Variants in ALDH1A1 observed in about 807,000 individuals in gnomAD.
ALDH1A1 encodes aldehyde dehydrogenase 1A1.
In ALDH1A1, 19 loss-of-function variants were observed where a neutral mutation model predicts 62.1. The ratio of observed to expected loss-of-function variants is 0.31; its 90% CI spans 0.21 to 0.45. ALDH1A1 has a LOEUF of 0.45. Ranked by LOEUF, ALDH1A1 falls within the 20% of genes least tolerant of loss-of-function variation. The probability of loss-of-function intolerance (pLI) is 1.00; values close to 1 mark genes in which losing one functional copy is unlikely to be tolerated. For synonymous variants in ALDH1A1, 231 were observed against 215.9 expected, an observed-to-expected ratio of 1.07 and a Z score of -0.61; for missense variants, 521 against 607.1, an observed-to-expected ratio of 0.86 and a Z score of 1.49.
rs747410847 is a variant in ALDH1A1, at chr9:72,928,953, G to C, written c.381C>G (p.Ile127Met). 8 of 1,613,922 alleles carry C rather than the reference G, an allele frequency of 5.0e-6. No individual in the cohort carries two copies. Among genetic ancestry groups the C allele is most frequent in the Non-Finnish European group, 4.2e-6 (5 of 1,179,908 alleles). Reference protein sequence around the residue: ...NAYLNDLAGCIKTLRYCAGWA... With the variant: ...NAYLNDLAGCMKTLRYCAGWA... Reference sequence around the variant, plus strand: ...AACCTGCACAGTAGCGCAATGTTTTGATGCAGCCTGCTAAATCATTCAGAT... The same window carrying C: ...AACCTGCACAGTAGCGCAATGTTTTCATGCAGCCTGCTAAATCATTCAGAT... The change falls in exon 4 of 13, where the codon ATC (isoleucine) becomes ATG (methionine). Residue 127 changes from isoleucine to methionine, a missense_variant. Coordinates refer to ENST00000297785, the MANE Select transcript of ALDH1A1 (RefSeq NM_000689.5).
chr9:72,927,373 C>T (rs1009681254), intron 4 of ALDH1A1, among the ~76,000 whole-genome samples, 196 bp from the exon 5 acceptor site: 4 of 152,116 alleles, frequency 2.6e-5, no homozygotes, highest in African/African-American at 9.7e-5. Flanking sequence ...GAGATCGAGA[C>T]CATCTATATC....
intron 1 of ALDH1A1, among the ~76,000 whole-genome samples, chr9:72,952,633 A>G (rs1249854189): frequency 6.6e-6 from 1 of 151,904 alleles, no homozygotes; most frequent in African/African-American, 2.4e-5. Flanking sequence ...TGCCGGCTAT[A>G]GTGAAGTTAA....
intron 11 of ALDH1A1, among the ~76,000 whole-genome samples, chr9:72,909,204 G>A: frequency 8.9e-6 from 1 of 111,860 alleles, no homozygotes. Context: ...TCTTGTTGCT[G>A]AGGCTAGAGT....
At chr9:72,926,226 AG>A (rs1188781363) in intron 5 of ALDH1A1, among the ~76,000 whole-genome samples, 1 of 152,218 alleles carries the variant, frequency 6.6e-6, no homozygotes, top group Non-Finnish European at 1.5e-5. Context: ...AAAGAGGGCC[AG>A]GGGCTCAACA....
intron 9 of ALDH1A1, among the ~76,000 whole-genome samples, chr9:72,915,896 C>T (rs1207990388): frequency 6.6e-6 from 1 of 152,150 alleles, no homozygotes; most frequent in Non-Finnish European, 1.5e-5. Flanking sequence ...GTGAATGAGT[C>T]AAGAATAGCG....
intron 4 of ALDH1A1, among the ~76,000 whole-genome samples, 170 bp from the exon 5 acceptor site, chr9:72,927,347 C>G (rs559725926): frequency 6.6e-6 from 1 of 152,072 alleles, no homozygotes; most frequent in Non-Finnish European, 1.5e-5. Context: ...CCGAGGCAGG[C>G]AGATCACGAG....
intron 4 of ALDH1A1, 102 bp from the exon 5 acceptor site, chr9:72,927,279 A>C: frequency 1.2e-6 from 1 of 844,042 alleles, no homozygotes; most frequent in Non-Finnish European, 1.9e-6. Flanking sequence ...ATAATTTTAA[A>C]AACATATATC....
chr9:72,941,313 T>G (rs1266956493), intron 1 of ALDH1A1, among the ~76,000 whole-genome samples: 1 of 152,186 alleles, frequency 6.6e-6, no homozygotes, highest in African/African-American at 2.4e-5. Flanking sequence ...AATTAGCTAC[T>G]ATGCTAAATG....
At chr9:72,924,239 GA>G in intron 6 of ALDH1A1, 107 bp from the exon 7 acceptor site, 5 of 687,574 alleles carry the variant, frequency 7.3e-6, no homozygotes, top group Non-Finnish European at 1.2e-5. Flanking sequence ...AGATGCTCTA[GA>G]AAAAAATAAT....
At chr9:72,925,706 G>A (rs1830196627) in intron 5 of ALDH1A1, 94 bp from the exon 6 acceptor site, 1 of 1,366,146 alleles carries the variant, frequency 7.3e-7, no homozygotes, top group Non-Finnish European at 9.9e-7. Flanking sequence ...TAGATGTTAT[G>A]TAATAATTGC....
chr9:72,928,553 C>G (rs574651350), intron 4 of ALDH1A1, among the ~76,000 whole-genome samples: 203 of 152,262 alleles, frequency 1.3e-3, no homozygotes, highest in Non-Finnish European at 2.2e-3. Flanking sequence ...GAATAAAACC[C>G]AAATAAATAA....
chr9:72,925,274 T>C (rs940655002), intron 6 of ALDH1A1, among the ~76,000 whole-genome samples: 2 of 152,198 alleles, frequency 1.3e-5, no homozygotes. Context: ...ACACCAAACC[T>C]TTGTGTTTGG....
At position 72,924,040 on chromosome 9, in the gene ALDH1A1, T is replaced by A. The variant is rs768917839; in HGVS notation, c.726A>T (p.Val242=). 2 of 1,607,760 alleles carry A rather than the reference T, an allele frequency of 1.2e-6. No individual in the cohort carries two copies. The highest frequency in any genetic ancestry group is 3.4e-5 in the Admixed American group (2 of 58,866). ...TTACCTCTGTTGATCCTGTGAAGGCTACTTTGTCTATATCCATGTGAGAAG... is the reference window on the plus strand; with the variant it reads ...TTACCTCTGTTGATCCTGTGAAGGCAACTTTGTCTATATCCATGTGAGAAG... ...AISSHMDIDK[V]AFTGSTEVGK... The change falls in exon 7 of 13, where the codon GTA becomes GTT. Residue 242 remains valine (V), a synonymous_variant. Coordinates refer to ENST00000297785, the MANE Select transcript of ALDH1A1 (RefSeq NM_000689.5).
intron 9 of ALDH1A1, among the ~76,000 whole-genome samples, chr9:72,914,486 T>G (rs1052728796): frequency 6.6e-6 from 1 of 152,174 alleles, no homozygotes. Context: ...GAGGCTGGAT[T>G]TTAAATCCAG....
chr9:72,910,218 T>C (rs531975147), intron 10 of ALDH1A1, among the ~76,000 whole-genome samples: 1 of 152,348 alleles, frequency 6.6e-6, no homozygotes, highest in Non-Finnish European at 1.5e-5. Flanking sequence ...CAATGATTGA[T>C]AATAATAATG....
chr9:72,926,971 A>T, intron 5 of ALDH1A1, 145 bp downstream of exon 5: 1 of 586,778 alleles, frequency 1.7e-6, no homozygotes, highest in Non-Finnish European at 3.0e-6. Flanking sequence ...GTTTAGTCAC[A>T]GGGAGACCAA....
intron 2 of ALDH1A1, among the ~76,000 whole-genome samples, chr9:72,932,739 T>C (rs868419844): frequency 1.8e-4 from 27 of 152,358 alleles, no homozygotes; most frequent in South Asian, 8.3e-4. Flanking sequence ...TTTTCCTAAA[T>C]TTACAGAGCA....
At chr9:72,944,872 A>C (rs984265845) in intron 1 of ALDH1A1, among the ~76,000 whole-genome samples, 6 of 152,114 alleles carry the variant, frequency 3.9e-5, no homozygotes, top group Non-Finnish European at 7.4e-5. Context: ...TTGATTGGAA[A>C]TTATAAATGC....
At chr9:72,914,257 A>G (rs8187965) in intron 9 of ALDH1A1, among the ~76,000 whole-genome samples, 5,475 of 152,322 alleles carry the variant, frequency 0.036, 319 homozygotes, top group African/African-American at 0.12. Flanking sequence ...ATGTATCAAC[A>G]AAAGCAATGA....
Sources: gnomAD v4.1 joint callset for allele counts (sites outside exome capture counted in the v4.1 genomes callset) on GRCh38, gnomAD v4.1.1 for gene constraint, MANE v1.5 for transcripts, NCBI Gene and HGNC (gene_info 2026-07-23, HGNC 2026-07-21) for gene names.